NELFA: variants seen among roughly 807,000 people sequenced by gnomAD.
NELFA encodes the protein negative elongation factor A.
Under a neutral mutation model 51.8 loss-of-function variants are expected in NELFA, and 35 were observed. That is an observed-to-expected ratio of 0.68 (90% CI 0.52 to 0.90). NELFA has a LOEUF of 0.90. Ranked by LOEUF, NELFA falls within the 40% of genes least tolerant of loss-of-function variation. The pLI is 0.00. For missense variants in NELFA, 658 were observed against 746.4 expected (o/e 0.88, Z 1.38); for synonymous variants, 417 against 338.4 (o/e 1.23, Z -2.55).
intron 1 of NELFA, among the ~76,000 whole-genome samples, chr4:1,993,822 A>G (rs1322726550): frequency 7.4e-6 from 1 of 135,602 alleles, no homozygotes; most frequent in African/African-American, 2.8e-5. Flanking sequence ...TTTGAGACAG[A>G]GTCTCGCTGT....
intron 2 of NELFA, among the ~76,000 whole-genome samples, chr4:1,990,939 GAC>G (rs983196390): frequency 6.6e-6 from 1 of 152,160 alleles, no homozygotes; most frequent in African/African-American, 2.4e-5. Flanking sequence ...TACCTGGGAG[GAC>G]AGGCATGTGC....
At chr4:1,992,258 G>A (rs580602) in intron 1 of NELFA, 58,754 of 232,664 alleles carry the variant, frequency 0.25, 7,760 homozygotes, top group East Asian at 0.31. Flanking sequence ...GGCAGGGACG[G>A]CTGCCTCTGG....
In NELFA at chr4:1,985,880, G is replaced by C; in HGVS notation, c.836-16C>G. The C allele has an allele frequency of 1.2e-6, 2 of 1,606,598 alleles. No homozygotes were observed. The highest frequency in any genetic ancestry group is 8.5e-7 in the Non-Finnish European group (1 of 1,175,646). ...ACCTCCGCATCTGTGGACAAAACAG[G>C]AGTCCTCGCCAGTGCCCGGGCGCGT... is the stretch of plus-strand genomic sequence containing the variant. On this transcript the variant is annotated splice_polypyrimidine_tract_variant and intron_variant, in intron 6 of 10. Coordinates refer to ENST00000382882, the MANE Select transcript of NELFA (RefSeq NM_005663.5).
chr4:1,989,860 C>T lies in NELFA; in HGVS notation c.392G>A (p.Cys131Tyr), dbSNP rs1332195043. 1.2e-6 allele frequency: 2 copies of T among 1,613,454 alleles called. No individual in the cohort carries two copies. Among genetic ancestry groups the T allele is most frequent in the East Asian group, 2.2e-5 (1 of 44,874 alleles). ...CAGTGGCAGCATGGCAGACGCTTCA[C>T]ACTCACCCACTGCCGGTAAGAACCA... ...LGELREKVGE[C>Y]EASAMLPLEC... is the part of the protein sequence containing the mutation. The change falls in exon 3 of 11, where the codon TGT (cysteine) becomes TAT (tyrosine). Residue 131 changes from cysteine (C) to tyrosine (Y), a missense_variant. Physicochemically the swap from Cys to Tyr is radical, Grantham distance 194 (BLOSUM62 -2). Coordinates refer to ENST00000382882, the MANE Select transcript of NELFA (RefSeq NM_005663.5). This position sits in a 1 kb window ranked among gnomAD's most constrained non-coding sequence, Gnocchi z 4.8.
chr4:1,984,992 C>CGGA, intron 7 of NELFA, 73 bp from the exon 8 acceptor site: 1 of 1,093,782 alleles, frequency 9.1e-7, no homozygotes, highest in Non-Finnish European at 1.3e-6. Flanking sequence ...TGGCCCGACC[C>CGGA]GGAGCTCCAC....
At chr4:1,991,927 A>C in intron 1 of NELFA, 1 of 506,698 alleles carries the variant, frequency 2.0e-6, no homozygotes, top group Non-Finnish European at 3.4e-6. Flanking sequence ...CCAGGTTGCA[A>C]GGCCCCGGCA....
At position 2,008,864 on chromosome 4, in the gene NELFA, C is replaced by T. The variant is rs1205718271; in HGVS notation, c.96G>A (p.Leu32=). ...TGTTGTCGATGACCGCGGCCGTGAGCAGGGACGCGATGCTGGGCGGCGCCC... is the reference window on the plus strand; with the variant it reads ...TGTTGTCGATGACCGCGGCCGTGAGTAGGGACGCGATGCTGGGCGGCGCCC... ...ELWAPPSIAS[L]LTAAVIDNIR... Residue 32 remains leucine (L), a synonymous_variant, in exon 1 of 11, where the codon CTG becomes CTA. Coordinates refer to ENST00000382882, the MANE Select transcript of NELFA (RefSeq NM_005663.5). 6.2e-7 allele frequency: 1 copy of T among 1,603,468 alleles called. No homozygotes were observed. Among genetic ancestry groups the T allele is most frequent in the Non-Finnish European group, 8.5e-7 (1 of 1,175,984 alleles).
At chr4:1,995,315 C>T (rs1431693787) in intron 1 of NELFA, among the ~76,000 whole-genome samples, 1 of 152,154 alleles carries the variant, frequency 6.6e-6, no homozygotes, top group Non-Finnish European at 1.5e-5. Flanking sequence ...GGTTCTGTTT[C>T]TCTGGAGAAC....
At chr4:1,986,019 C>T in intron 6 of NELFA, 95 bp downstream of exon 6, 1 of 1,434,216 alleles carries the variant, frequency 7.0e-7, no homozygotes, top group Non-Finnish European at 9.4e-7. Flanking sequence ...TCACGGGGCA[C>T]AGCCCTGCCC....
At position 1,984,923 on chromosome 4, in the gene NELFA, G is replaced by C; in HGVS notation, c.925-4C>G. The stretch of plus-strand genomic sequence containing the variant: ...CATTGTTCAGGGACCCAAGTTTCTG[G>C]AACACAGAGTTTAAGGTTCCTTCCA... On this transcript the variant is annotated splice_region_variant and splice_polypyrimidine_tract_variant and intron_variant, in intron 7 of 10. Coordinates refer to ENST00000382882, the MANE Select transcript of NELFA (RefSeq NM_005663.5). The C allele has an allele frequency of 6.4e-7, 1 of 1,561,900 alleles. No individual in the cohort carries two copies. Among genetic ancestry groups the C allele is most frequent in the Non-Finnish European group, 8.7e-7 (1 of 1,151,166 alleles).
intron 9 of NELFA, 32 bp from the exon 10 acceptor site, chr4:1,983,727 GCCCCGCCAGGA>G (rs1190215831): frequency 5.6e-6 from 9 of 1,610,122 alleles, no homozygotes; most frequent in Admixed American, 1.7e-5. Context: ...GGGTGCCAGG[GCCCCGCCAGGA>G]CCACCTCCTG....
rs758996901 is a variant in NELFA, at chr4:1,983,308, G to A, written c.*11C>T. On this transcript the variant is annotated 3_prime_UTR_variant, in exon 11 of 11. Transcript: ENST00000382882. ...CCCCACAAGTGACGGCCAGCTGTGAGGCAGGTGGTTCTAGGACACATTGGT... is the reference window on the plus strand; with the variant it reads ...CCCCACAAGTGACGGCCAGCTGTGAAGCAGGTGGTTCTAGGACACATTGGT... 1 of 1,606,594 alleles carries A rather than the reference G, an allele frequency of 6.2e-7. No individual in the cohort carries two copies. The highest frequency in any genetic ancestry group is 8.5e-7 in the Non-Finnish European group (1 of 1,174,206).
Position 1,995,877 on chromosome 4 carries a change from A to ATT in NELFA, c.211-4164_211-4163dup, listed in dbSNP as rs36104463. Among the ~76,000 whole-genome samples, 781 of 144,434 alleles carry ATT rather than the reference A, an allele frequency of 5.4e-3. 6 individuals carry two copies. The highest frequency in any genetic ancestry group is 0.017 in the African/African-American group (649 of 39,254). 94.8% of individuals were successfully genotyped at this position (144,434 alleles called of 152,430 possible). Reference sequence around the variant, plus strand: ...AGATCAACAAATCCTCTTCTCACTGATTTTTTTTTTTTTTTTTAAACCAAG... The same window carrying ATT: ...AGATCAACAAATCCTCTTCTCACTGATTTTTTTTTTTTTTTTTTTAAACCAAG... On this transcript the variant is annotated intron_variant, in intron 1 of 10. Coordinates refer to ENST00000382882, the MANE Select transcript of NELFA (RefSeq NM_005663.5).
At chr4:1,992,986 CGAGCTGAGT>C (rs1252121451) in intron 1 of NELFA, among the ~76,000 whole-genome samples, 1 of 152,200 alleles carries the variant, frequency 6.6e-6, no homozygotes, top group African/African-American at 2.4e-5. Context: ...GACGCCCGCC[CGAGCTGAGT>C]GCGCGATGCG....
intron 1 of NELFA, among the ~76,000 whole-genome samples, chr4:2,005,227 C>T (rs181261457): frequency 1.6e-4 from 25 of 152,104 alleles, no homozygotes; most frequent in African/African-American, 5.5e-4. Context: ...ACATAATGCT[C>T]ACTGGCAAAA....
At position 1,984,079 on chromosome 4, in the gene NELFA, C is replaced by T; in HGVS notation, c.1071G>A (p.Glu357=). The change falls in exon 9 of 11, where the codon GAG becomes GAA. Residue 357 remains glutamate, a synonymous_variant. Transcript: ENST00000382882. The part of the protein sequence containing the change: ...PSSREASRPP[E]EPSAPSPTLP... ...ACGTGGGGCTCGGGGCGCTGGGCTC[C>T]TCTGGTGGGCGGCTGGCTTCCCGGG... 1.9e-6 allele frequency: 3 copies of T among 1,586,998 alleles called. No homozygotes were observed. The highest frequency in any genetic ancestry group is 4.5e-5 in the East Asian group (2 of 44,616).
At chr4:2,007,295 A>G (rs1728734026) in intron 1 of NELFA, 1 of 193,500 alleles carries the variant, frequency 5.2e-6, no homozygotes, top group Non-Finnish European at 1.2e-5. Flanking sequence ...TAGATGTTAT[A>G]CCCTAGAGAA....
intron 1 of NELFA, among the ~76,000 whole-genome samples, chr4:1,998,354 G>C (rs1462688278): frequency 6.6e-6 from 1 of 151,914 alleles, no homozygotes; most frequent in African/African-American, 2.4e-5. Flanking sequence ...AAACAATGAT[G>C]AACTAAAGGA....
At chr4:1,997,538 AT>A (rs1168842799) in intron 1 of NELFA, among the ~76,000 whole-genome samples, 1 of 152,240 alleles carries the variant, frequency 6.6e-6, no homozygotes, top group African/African-American at 2.4e-5. Context: ...ATATTTAAGC[AT>A]TTGATAAAAT....
Sources: allele counts gnomAD v4.1 joint callset (sites outside exome capture counted in the v4.1 genomes callset), GRCh38; gene constraint gnomAD v4.1.1; non-coding constraint Gnocchi (gnomAD v3.1); transcripts MANE v1.5; gene names NCBI Gene and HGNC (gene_info 2026-07-23, HGNC 2026-07-21).